MYO5A: variants seen among roughly 807,000 people sequenced by gnomAD.
MYO5A encodes myosin VA.
Under a neutral mutation model 249.7 loss-of-function variants are expected in MYO5A, and 98 were observed. That is an observed-to-expected ratio of 0.39 (90% CI 0.33 to 0.46). The LOEUF is 0.46. Ranked by LOEUF, MYO5A falls within the 20% of genes least tolerant of loss-of-function variation. MYO5A has a pLI of 0.98. For missense variants in MYO5A, 1,696 were observed against 2,308.8 expected, an observed-to-expected ratio of 0.73 and a Z score of 5.44; for synonymous variants, 778 against 810.6, an observed-to-expected ratio of 0.96 and a Z score of 0.68.
chr15:52,505,770 T>C lies in MYO5A; in HGVS notation c.27+23010A>G, dbSNP rs185075806. 1,311 of 1,550,868 alleles carry C rather than the reference T, an allele frequency of 8.5e-4. 1 individual carries two copies. The highest frequency in any genetic ancestry group is 8.6e-4 in the Non-Finnish European group (976 of 1,136,924). On this transcript the variant is annotated intron_variant, in intron 1 of 41. Coordinates refer to ENST00000399233, the MANE Select transcript of MYO5A (RefSeq NM_001382347.1). ...TTCAAATACAGTGTGTAGTTGAGGA[T>C]GATAAAGTTGGAACAGATATGCTGG...
Position 52,389,291 on chromosome 15 carries a change from C to T in MYO5A, c.1615G>A (p.Glu539Lys), listed in dbSNP as rs2042106144. Residue 539 changes from glutamate to lysine, a missense_variant, in exon 13 of 42, where the codon GAA becomes AAA. By Grantham distance (56) the Glu-to-Lys change is moderately conservative. Transcript: ENST00000399233. ...GCTTTGTTTGATAGACGAGGCTTTT[C>T]AAAGAGTGCACATTTGTTCAAATGT... ...NTHLNKCALF[E>K]KPRLSNKAFI... 5 of 1,613,306 alleles carry T rather than the reference C, an allele frequency of 3.1e-6. No homozygotes were observed. The highest frequency in any genetic ancestry group is 1.3e-5 in the African/African-American group (1 of 75,018).
chr15:52,406,921 T>C (rs947200756), intron 8 of MYO5A, among the ~76,000 whole-genome samples: 1 of 152,178 alleles, frequency 6.6e-6, no homozygotes, highest in Non-Finnish European at 1.5e-5. Flanking sequence ...CCCGTTTCAC[T>C]TAGCTTCAGG....
chr15:52,343,375 A>G (rs2039468530), intron 30 of MYO5A, among the ~76,000 whole-genome samples, 178 bp from the exon 31 acceptor site: 1 of 152,274 alleles, frequency 6.6e-6, no homozygotes, highest in African/African-American at 2.4e-5. Flanking sequence ...AAAAATGAGT[A>G]ACATGTAGCA....
chr15:52,427,370 A>AAT (rs1355553705), intron 3 of MYO5A, among the ~76,000 whole-genome samples: 2 of 152,012 alleles, frequency 1.3e-5, no homozygotes, highest in South Asian at 2.1e-4. Context: ...TAAGTAAGAA[A>AAT]ATATATATAT....
intron 1 of MYO5A, among the ~76,000 whole-genome samples, chr15:52,493,535 C>T (rs920818304): frequency 1.3e-5 from 2 of 151,884 alleles, no homozygotes; most frequent in Non-Finnish European, 1.5e-5. Context: ...GGTGGCGGGC[C>T]CCTCTAATCC....
Position 52,444,646 on chromosome 15 carries a change from C to G in MYO5A, c.28-11361G>C, listed in dbSNP as rs1031692406. Among the ~76,000 whole-genome samples, 5 of 152,218 alleles carry G rather than the reference C, an allele frequency of 3.3e-5. No individual in the cohort carries two copies. The South Asian group carries it at 1.0e-3, about 32-fold the overall frequency. On this transcript the variant is annotated intron_variant, in intron 1 of 41. Coordinates refer to ENST00000399233, the MANE Select transcript of MYO5A (RefSeq NM_001382347.1). ...TTGAATCACTTTCTCCTGATTGGGA[C>G]CAAAGTTGCTCAACTAAGCAAAACA...
chr15:52,437,390 T>TTA (rs1030083378), intron 1 of MYO5A, among the ~76,000 whole-genome samples: 3 of 151,470 alleles, frequency 2.0e-5, no homozygotes, highest in Non-Finnish European at 4.4e-5. Context: ...AGCTCAGGAG[T>TTA]TAGAGACCAG....
Position 52,418,169 on chromosome 15 carries a change from T to TG in MYO5A, c.456-1869dup, listed in dbSNP as rs569116541. On this transcript the variant is annotated intron_variant, in intron 4 of 41. Transcript: ENST00000399233. ...CAGATAACTCAGCTTAGCTGGAAAA[T>TG]GGAGTAATGACAGATTTATGATTTC... Among the ~76,000 whole-genome samples, 104 of 152,202 alleles carry TG rather than the reference T, an allele frequency of 6.8e-4. 1 individual carries two copies. In the East Asian group the frequency reaches 0.02, roughly 29 times the overall value.
intron 9 of MYO5A, among the ~76,000 whole-genome samples, chr15:52,402,237 T>C (rs2042792828): frequency 6.6e-6 from 1 of 152,218 alleles, no homozygotes; most frequent in Non-Finnish European, 1.5e-5. Context: ...AATGAATATG[T>C]GTGAGAGTCA....
At position 52,518,825 on chromosome 15, in the gene MYO5A, G is replaced by A. The variant is rs530903523; in HGVS notation, c.27+9955C>T. The stretch of plus-strand genomic sequence containing the variant: ...CTCACAAACACAGAAAATGATTTAT[G>A]CAAACTCATAAAAAATGACTTCCTT... On this transcript the variant is annotated intron_variant, in intron 1 of 41. Transcript: ENST00000399233. Among the ~76,000 whole-genome samples the A allele has an allele frequency of 7.9e-5, 12 of 152,276 alleles. No individual in the cohort carries two copies. In the South Asian group the frequency reaches 2.5e-3, roughly 32 times the overall value.
At chr15:52,404,686 G>C (rs1226892275) in intron 9 of MYO5A, among the ~76,000 whole-genome samples, 1 of 152,142 alleles carries the variant, frequency 6.6e-6, no homozygotes. Flanking sequence ...CCTGTGAGAC[G>C]TGAGTAAGAG....
intron 11 of MYO5A, among the ~76,000 whole-genome samples, chr15:52,393,066 A>G (rs1272451291): frequency 2.0e-5 from 3 of 152,154 alleles, no homozygotes; most frequent in African/African-American, 7.2e-5. Flanking sequence ...GGTGCTGCCC[A>G]GCCACTGCCC....
At chr15:52,470,764 G>T (rs1724632) in intron 1 of MYO5A, among the ~76,000 whole-genome samples, 142,784 of 152,158 alleles carry the variant, frequency 0.94, 67,660 homozygotes, top group East Asian at 1. Context: ...GGCTCACATC[G>T]GTAATCCCAG....
At chr15:52,470,558 G>C (rs377639152) in intron 1 of MYO5A, among the ~76,000 whole-genome samples, 5 of 152,152 alleles carry the variant, frequency 3.3e-5, no homozygotes, top group Admixed American at 1.3e-4. Context: ...GCTGAGGCAG[G>C]AGAATCCCTT....
intron 4 of MYO5A, among the ~76,000 whole-genome samples, chr15:52,425,074 G>A (rs1240424436): frequency 2.0e-5 from 3 of 152,146 alleles, no homozygotes; most frequent in Non-Finnish European, 4.4e-5. Flanking sequence ...GGGCAACATA[G>A]CAAGACCCCA....
At chr15:52,429,124 C>T (rs1410318259) in intron 2 of MYO5A, among the ~76,000 whole-genome samples, 3 of 152,150 alleles carry the variant, frequency 2.0e-5, no homozygotes, top group Non-Finnish European at 4.4e-5. Flanking sequence ...ACCCAAGAAT[C>T]CCCTGAAATT....
chr15:52,370,109 A>C, intron 22 of MYO5A, 60 bp downstream of exon 22: 1 of 1,606,106 alleles, frequency 6.2e-7, no homozygotes. Context: ...GGACCAAGTC[A>C]TGATGACAGC....
intron 40 of MYO5A, among the ~76,000 whole-genome samples, chr15:52,316,470 T>A (rs1168187727): frequency 6.6e-6 from 1 of 152,166 alleles, no homozygotes; most frequent in African/African-American, 2.4e-5. Flanking sequence ...ACTACAGAAT[T>A]TGCTAGAACC....
At chr15:52,399,918 C>G (rs2042673239) in intron 9 of MYO5A, among the ~76,000 whole-genome samples, 1 of 152,120 alleles carries the variant, frequency 6.6e-6, no homozygotes, top group African/African-American at 2.4e-5. Context: ...ATTTGGTTTT[C>G]TGTTTTTGCA....
Sources: gnomAD v4.1 joint callset for allele counts (sites outside exome capture counted in the v4.1 genomes callset) on GRCh38, gnomAD v4.1.1 for gene constraint, MANE v1.5 for transcripts, NCBI Gene and HGNC (gene_info 2026-07-23, HGNC 2026-07-21) for gene names.